The following TRIM6 variants were observed in gnomAD, a reference collection of about 807,000 sequenced individuals.
TRIM6 encodes the protein tripartite motif containing 6.
Under a neutral mutation model 51.2 loss-of-function variants are expected in TRIM6, and 43 were observed. That is an observed-to-expected ratio of 0.84 (90% CI 0.66 to 1.08). The LOEUF (loss-of-function observed/expected upper bound fraction) is 1.08. Ranked by LOEUF, TRIM6 falls within the 50% of genes least tolerant of loss-of-function variation. The probability of loss-of-function intolerance (pLI) is 0.00; values close to 1 mark genes in which losing one functional copy is unlikely to be tolerated. For missense variants in TRIM6, 669 were observed against 619.0 expected, an observed-to-expected ratio of 1.08 and a Z score of -0.86; for synonymous variants, 215 against 232.4, an observed-to-expected ratio of 0.93 and a Z score of 0.68.
At chr11:5,606,692 G>A (rs1203952751) in intron 4 of TRIM6, among the ~76,000 whole-genome samples, 3 of 151,630 alleles carry the variant, frequency 2.0e-5, no homozygotes, top group Non-Finnish European at 4.4e-5. Flanking sequence ...CTTTTGTTCT[G>A]GCTCCTCAAC....
chr11:5,604,766 T>C (rs1848104292), intron 3 of TRIM6, 137 bp downstream of exon 3: 3 of 838,718 alleles, frequency 3.6e-6, no homozygotes, highest in Non-Finnish European at 5.3e-6. Context: ...GGTCCTCCAC[T>C]ATATTCCTTC....
At position 5,603,479 on chromosome 11, in the gene TRIM6, G is replaced by A; in HGVS notation, c.251G>A (p.Cys84Tyr). ...SVIGQEGERS[C>Y]PVCQTSYQPG... is the part of the protein sequence containing the mutation. ...ATTGGTCAAGAAGGGGAAAGAAGCT[G>A]CCCTGTGTGCCAGACCAGCTACCAG... Residue 84 changes from cysteine (C) to tyrosine (Y), a missense_variant, in exon 2 of 8, where the codon TGC (cysteine) becomes TAC (tyrosine). Cys to Tyr is a radical substitution (Grantham distance 194). Coordinates refer to ENST00000380097, the MANE Select transcript of TRIM6 (RefSeq NM_001003818.3). 6.2e-7 allele frequency: 1 copy of A among 1,614,110 alleles called. No homozygotes were observed. The highest frequency in any genetic ancestry group is 1.1e-5 in the South Asian group (1 of 91,076).
Position 5,603,463 on chromosome 11 carries a change from G to A in TRIM6, c.235G>A (p.Glu79Lys). 1 of 1,614,144 alleles carries A rather than the reference G, an allele frequency of 6.2e-7. No individual in the cohort carries two copies. Among genetic ancestry groups the A allele is most frequent in the Non-Finnish European group, 8.5e-7 (1 of 1,180,036 alleles). ...PNGRESVIGQ[E>K]GERSCPVCQT... ...TGGCAGGGAATCAGTGATTGGTCAA[G>A]AAGGGGAAAGAAGCTGCCCTGTGTG... The change falls in exon 2 of 8, where the codon GAA (glutamate) becomes AAA (lysine). Residue 79 changes from glutamate to lysine, a missense_variant. Coordinates refer to ENST00000380097, the MANE Select transcript of TRIM6 (RefSeq NM_001003818.3).
Position 5,599,422 on chromosome 11 carries a change from G to A in TRIM6, c.17+2508G>A, listed in dbSNP as rs1847690469. Among the ~76,000 whole-genome samples, 4 of 80,816 alleles carry A rather than the reference G, an allele frequency of 4.9e-5. No individual in the cohort carries two copies. In the Admixed American group the frequency reaches 5.1e-4, roughly 10 times the overall value. 53.0% of individuals were successfully genotyped at this position (80,816 alleles called of 152,430 possible). A position where few individuals can be genotyped will look rare whatever the true frequency, so the allele number is the denominator to read the frequency against. On this transcript the variant is annotated intron_variant, in intron 1 of 7. Coordinates refer to ENST00000380097, the MANE Select transcript of TRIM6 (RefSeq NM_001003818.3). ...ATTTATTTATTTATTTATTTATTTT[G>A]AGACGGAGTCTCGCTCTGTCGCCCA... is the stretch of plus-strand genomic sequence containing the variant.
In TRIM6 at chr11:5,611,287, A is replaced by ATTT. The variant is rs1429113688; in HGVS notation, c.1498_1500dup (p.Phe500dup). ...TACTTTCCCACTACTCTTTGTCCAT[A>ATTT]TTTTAATCCTTGCAACTGTGTAATT... On this transcript the variant is annotated inframe_insertion, in exon 8 of 8. Coordinates refer to ENST00000380097, the MANE Select transcript of TRIM6 (RefSeq NM_001003818.3). The ATTT allele has an allele frequency of 6.8e-6, 11 of 1,613,928 alleles. No homozygotes were observed. Among genetic ancestry groups the ATTT allele is most frequent in the African/African-American group, 1.3e-5 (1 of 74,862 alleles).
At chr11:5,599,246 T>C (rs189203170) in intron 1 of TRIM6, among the ~76,000 whole-genome samples, 117 of 152,342 alleles carry the variant, frequency 7.7e-4, no homozygotes, top group African/African-American at 2.7e-3. Flanking sequence ...ATTGCATTTA[T>C]GAGGCAGTAG....
intron 4 of TRIM6, 79 bp downstream of exon 4, chr11:5,605,646 C>G (rs1280897961): frequency 4.5e-5 from 66 of 1,476,550 alleles, no homozygotes; most frequent in Non-Finnish European, 5.7e-5. Context: ...GGACATCAGA[C>G]TACCATCGTT....
rs776045804 is a variant in TRIM6 at position 5,596,921 on chromosome 11, C to T, written c.17+7C>T. On this transcript the variant is annotated splice_region_variant and intron_variant, in intron 1 of 7. Transcript: ENST00000380097. ...AGATGTGCGGGTCAGAGAGGTATGT[C>T]TACCGTTCTGTTGACTGGCTCTTAT... 22 of 1,613,964 alleles carry T rather than the reference C, an allele frequency of 1.4e-5. No individual in the cohort carries two copies. In the South Asian group the frequency reaches 2.1e-4, roughly 15 times the overall value.
rs1439361963 is a variant in TRIM6 at position 5,605,473 on chromosome 11, C to T, written c.740C>T (p.Ala247Val). The T allele has an allele frequency of 6.2e-7, 1 of 1,614,182 alleles. No individual in the cohort carries two copies. Among genetic ancestry groups the T allele is most frequent in the Admixed American group, 1.7e-5 (1 of 60,026 alleles). ...AAGGGGCTACGAATTATAGAAGAGG[C>T]TGAGAATGATCTGGTCCACCAGACC... Reference protein sequence around the residue: ...EKKGLRIIEEAENDLVHQTQS... With the variant: ...EKKGLRIIEEVENDLVHQTQS... Residue 247 changes from alanine to valine, a missense_variant, in exon 4 of 8, where the codon GCT becomes GTT. Coordinates refer to ENST00000380097, the MANE Select transcript of TRIM6 (RefSeq NM_001003818.3).
chr11:5,604,504 T>A (rs1564865841), intron 2 of TRIM6, 30 bp from the exon 3 acceptor site: 2 of 1,597,560 alleles, frequency 1.3e-6, no homozygotes, highest in Non-Finnish European at 1.7e-6. Flanking sequence ...GAAGGCTTGA[T>A]CCTGCTTGAC....
At chr11:5,610,065 G>A in intron 5 of TRIM6, 80 bp from the exon 6 acceptor site, 4 of 1,454,874 alleles carry the variant, frequency 2.7e-6, no homozygotes, top group South Asian at 1.2e-5. Context: ...TTCATCAGTA[G>A]GCTTGGGAGG....
At chr11:5,598,449 A>G (rs1031624553) in intron 1 of TRIM6, among the ~76,000 whole-genome samples, 2 of 152,230 alleles carry the variant, frequency 1.3e-5, no homozygotes, top group Non-Finnish European at 2.9e-5. Context: ...AAAGACATAT[A>G]ATGAACTAGA....
In TRIM6 at chr11:5,602,186, G is replaced by A. The variant is rs138326339; in HGVS notation, c.18-1060G>A. 6.9e-3 allele frequency among the ~76,000 whole-genome samples: 1,054 copies of A among 151,964 alleles called. 7 individuals carry two copies. The highest frequency in any genetic ancestry group is 9.6e-3 in the Non-Finnish European group (649 of 67,958). On this transcript the variant is annotated intron_variant, in intron 1 of 7. Transcript: ENST00000380097. Reference sequence around the variant, plus strand: ...CCGGGTGCAGTGGCTCATGCCTGTAGTCCCAACCCTTTGGGAGGCCAAGGC... The same window carrying A: ...CCGGGTGCAGTGGCTCATGCCTGTAATCCCAACCCTTTGGGAGGCCAAGGC...
At chr11:5,607,086 C>T (rs968435205) in intron 4 of TRIM6, among the ~76,000 whole-genome samples, 4 of 152,056 alleles carry the variant, frequency 2.6e-5, no homozygotes, top group South Asian at 2.1e-4. Context: ...CGCCTGTAGT[C>T]CCAGCTACTC....
chr11:5,596,726 T>C lies in TRIM6; in HGVS notation c.-172T>C. On this transcript the variant is annotated 5_prime_UTR_variant, in exon 1 of 8. Transcript: ENST00000380097. ...AAAGGCTGGCGGAGGAGGGATCCCC[T>C]GCCTTTCTCGGAACGGAACGGAGCA... The C allele has an allele frequency of 1.0e-6, 1 of 1,001,138 alleles. No homozygotes were observed. The highest frequency in any genetic ancestry group is 1.5e-6 in the Non-Finnish European group (1 of 671,226). 62.0% of individuals were successfully genotyped at this position (1,001,138 alleles called of 1,614,324 possible). A position where few individuals can be genotyped will look rare whatever the true frequency, so the allele number is the denominator to read the frequency against.
intron 1 of TRIM6, among the ~76,000 whole-genome samples, chr11:5,598,734 G>C (rs1322411457): frequency 6.6e-6 from 1 of 152,162 alleles, no homozygotes; most frequent in East Asian, 1.9e-4. Context: ...TGACAACACA[G>C]TTCCATTATG....
chr11:5,608,466 A>G, intron 5 of TRIM6, 72 bp downstream of exon 5: 3 of 1,599,126 alleles, frequency 1.9e-6, no homozygotes, highest in Non-Finnish European at 1.7e-6. Flanking sequence ...ATCAGTGGGA[A>G]AGGGAAGAAG....
intron 2 of TRIM6, 72 bp from the exon 3 acceptor site, chr11:5,604,462 C>T: frequency 8.6e-6 from 13 of 1,506,522 alleles, no homozygotes; most frequent in Non-Finnish European, 1.2e-5. Flanking sequence ...ATCTCTGTCC[C>T]ATTCATTCTA....
At chr11:5,604,668 A>C (rs1411297048) in intron 3 of TRIM6, 39 bp downstream of exon 3, 1 of 1,598,726 alleles carries the variant, frequency 6.3e-7, no homozygotes, top group African/African-American at 1.3e-5. Context: ...TGGGGCAGGA[A>C]TCATGGCAGG....
Sources: gnomAD v4.1 joint callset for allele counts (sites outside exome capture counted in the v4.1 genomes callset) on GRCh38, gnomAD v4.1.1 for gene constraint, MANE v1.5 for transcripts, NCBI Gene and HGNC (gene_info 2026-07-23, HGNC 2026-07-21) for gene names.